The following ACAT2 variants were observed in gnomAD, a reference collection of about 807,000 sequenced individuals.
ACAT2 encodes acetyl-CoA acetyltransferase 2.
A neutral mutation model predicts 37.1 loss-of-function variants in ACAT2; 26 were observed. That is an observed-to-expected ratio of 0.70 (90% CI 0.51 to 0.97). ACAT2 has a LOEUF of 0.97. Ranked by LOEUF, ACAT2 falls within the 50% of genes least tolerant of loss-of-function variation. The pLI, the probability that ACAT2 is intolerant of heterozygous loss-of-function variation, is 0.00. For synonymous variants in ACAT2, 156 were observed against 163.6 expected (o/e 0.95, Z 0.35); for missense variants, 468 against 489.0 (o/e 0.96, Z 0.40).
Position 159,768,924 on chromosome 6 carries a change from T to C in ACAT2, c.490+296T>C, listed in dbSNP as rs73022795. Among the ~76,000 whole-genome samples, 330 of 152,312 alleles carry C rather than the reference T, an allele frequency of 2.2e-3. 1 individual carries two copies. The highest frequency in any genetic ancestry group is 3.6e-3 in the Non-Finnish European group (243 of 68,026). The stretch of plus-strand genomic sequence containing the variant: ...TCTGTGGCAGAGGTAGTGACAGAGA[T>C]AAACCAGTTGTTTTTTTGGTACCTA... On this transcript the variant is annotated intron_variant, in intron 4 of 8. Transcript: ENST00000367048.
intron 3 of ACAT2, 35 bp from the exon 4 acceptor site, chr6:159,768,476 C>T: frequency 6.8e-7 from 1 of 1,468,224 alleles, no homozygotes; most frequent in Non-Finnish European, 9.5e-7. Flanking sequence ...CTAATTGCAA[C>T]TAAGCCTAAA....
chr6:159,776,875 G>T (rs1457670278), intron 6 of ACAT2, among the ~76,000 whole-genome samples: 1 of 151,888 alleles, frequency 6.6e-6, no homozygotes, highest in Non-Finnish European at 1.5e-5. Flanking sequence ...TGCAATCTCC[G>T]CCTCCCAGGT....
At chr6:159,770,545 C>T (rs1224028078) in intron 4 of ACAT2, among the ~76,000 whole-genome samples, 1 of 152,072 alleles carries the variant, frequency 6.6e-6, no homozygotes, top group African/African-American at 2.4e-5. Flanking sequence ...GGCATGGTGG[C>T]TCGCACCTGT....
At chr6:159,775,462 G>A (rs1410801774) in intron 5 of ACAT2, 149 bp downstream of exon 5, 19 of 891,082 alleles carry the variant, frequency 2.1e-5, no homozygotes, top group Non-Finnish European at 3.0e-5. Context: ...ATGTGGGGAG[G>A]GGGTATGCTG....
At chr6:159,777,481 A>G (rs776416290) in intron 7 of ACAT2, 25 bp downstream of exon 7, 142 of 1,597,222 alleles carry the variant, frequency 8.9e-5, no homozygotes, top group Non-Finnish European at 1.2e-4. Context: ...ATTCCCTTTT[A>G]TGAAATTTGT....
chr6:159,775,109 T>G, intron 4 of ACAT2, 61 bp from the exon 5 acceptor site: 7 of 1,582,436 alleles, frequency 4.4e-6, no homozygotes, highest in Non-Finnish European at 6.0e-6. Flanking sequence ...GTGGACGACT[T>G]GAGCTATCAA....
Position 159,762,132 on chromosome 6 carries a change from G to C in ACAT2, c.45G>C (p.Arg15=). The C allele has an allele frequency of 6.2e-7, 1 of 1,612,380 alleles. No individual in the cohort carries two copies. Among genetic ancestry groups the C allele is most frequent in the Non-Finnish European group, 8.5e-7 (1 of 1,179,314 alleles). The change falls in exon 1 of 9, where the codon CGG becomes CGC. Residue 15 remains arginine, a synonymous_variant. Coordinates refer to ENST00000367048, the MANE Select transcript of ACAT2 (RefSeq NM_005891.3). ...CTGTGGTCATCGTCTCGGCGGCGCGGACCATCATAGGTGAGTGGCCGGCGG... is the reference window on the plus strand; with the variant it reads ...CTGTGGTCATCGTCTCGGCGGCGCGCACCATCATAGGTGAGTGGCCGGCGG... The part of the protein sequence containing the change: ...SDPVVIVSAA[R]TIIGSFNGAL...
intron 4 of ACAT2, among the ~76,000 whole-genome samples, chr6:159,771,177 T>C (rs1391550838): frequency 6.6e-6 from 1 of 151,358 alleles, no homozygotes; most frequent in Non-Finnish European, 1.5e-5. Context: ...AGGTCGGGAG[T>C]TTGAGACCCA....
rs769205319 is a variant in ACAT2 at position 159,777,401 on chromosome 6, T to C, written c.857T>C (p.Val286Ala). 8 of 1,614,046 alleles carry C rather than the reference T, an allele frequency of 5.0e-6. No individual in the cohort carries two copies. Among genetic ancestry groups the C allele is most frequent in the South Asian group, 1.1e-5 (1 of 91,088 alleles). Residue 286 changes from valine to alanine, a missense_variant, in exon 7 of 9, where the codon GTG becomes GCG. Val to Ala is a moderately conservative substitution (Grantham distance 64). Transcript: ENST00000367048. ...GCACGGATAGTTTCCTGGTCCCAAG[T>C]GGGTGTGGAGCCTTCCATTATGGGA... is the stretch of plus-strand genomic sequence containing the variant. The part of the protein sequence containing the change: ...PLARIVSWSQ[V>A]GVEPSIMGIG...
intron 6 of ACAT2, among the ~76,000 whole-genome samples, chr6:159,776,722 C>T (rs927227502): frequency 8.5e-5 from 13 of 152,178 alleles, no homozygotes; most frequent in East Asian, 1.9e-4. Context: ...CTCCCAATAC[C>T]TCCTTGTGAA....
chr6:159,765,161 G>T (rs1469217514), intron 2 of ACAT2, among the ~76,000 whole-genome samples: 3 of 152,094 alleles, frequency 2.0e-5, no homozygotes, highest in African/African-American at 7.2e-5. Context: ...TGTTGCCCAG[G>T]CTGGAGTGCA....
At chr6:159,764,907 G>A (rs535421938) in intron 2 of ACAT2, among the ~76,000 whole-genome samples, 6 of 152,316 alleles carry the variant, frequency 3.9e-5, no homozygotes, top group Non-Finnish European at 7.4e-5. Flanking sequence ...TTGAAGTGGA[G>A]CTAGCACTTG....
chr6:159,778,794 G>A lies in ACAT2; in HGVS notation c.1159G>A (p.Gly387Arg). 1 of 1,614,162 alleles carries A rather than the reference G, an allele frequency of 6.2e-7. No individual in the cohort carries two copies. Among genetic ancestry groups the A allele is most frequent in the East Asian group, 2.2e-5 (1 of 44,872 alleles). ...RGVAALCIGGGMGIAMCVQRE is the reference protein window; with the variant it reads ...RGVAALCIGGRMGIAMCVQRE ...TGTTGCAGCCCTGTGCATTGGGGGT[G>A]GGATGGGAATAGCAATGTGTGTTCA... The change falls in exon 9 of 9, where the codon GGG (glycine) becomes AGG (arginine). Residue 387 changes from glycine (G) to arginine (R), a missense_variant. Gly to Arg is a moderately radical substitution (Grantham distance 125, BLOSUM62 -2). Transcript: ENST00000367048.
intron 2 of ACAT2, among the ~76,000 whole-genome samples, chr6:159,764,061 A>C (rs780466479): frequency 6.6e-6 from 1 of 151,878 alleles, no homozygotes; most frequent in South Asian, 2.1e-4. Flanking sequence ...AGATTGTGCC[A>C]CTGCACTCCA....
intron 3 of ACAT2, 76 bp downstream of exon 3, chr6:159,767,262 C>G: frequency 6.8e-7 from 1 of 1,471,960 alleles, no homozygotes; most frequent in Non-Finnish European, 9.4e-7. Context: ...ACAGAGTAAA[C>G]AGATGCATAG....
intron 8 of ACAT2, 143 bp downstream of exon 8, chr6:159,778,423 TTAAAA>T (rs1243893074): frequency 1.2e-3 from 98 of 84,016 alleles, no homozygotes; most frequent in Middle Eastern, 6.6e-3. Context: ...TTCCCAAGGT[TTAAAA>T]AAAAAAAAAA....
In ACAT2 at chr6:159,775,770, G is replaced by A. The variant is rs73585626; in HGVS notation, c.635-380G>A. 591 of 205,284 alleles carry A rather than the reference G, an allele frequency of 2.9e-3. 6 individuals are homozygous for A. Among genetic ancestry groups the A allele is most frequent in the African/African-American group, 0.013 (567 of 42,798 alleles). 12.7% of individuals were successfully genotyped at this position (205,284 alleles called of 1,614,324 possible). ...AATGCTCCCGTCAAGCTCCCTTATTGATAACTGATATCTCTTATGTCCTGC... is the reference window on the plus strand; with the variant it reads ...AATGCTCCCGTCAAGCTCCCTTATTAATAACTGATATCTCTTATGTCCTGC... On this transcript the variant is annotated intron_variant, in intron 5 of 8. Transcript: ENST00000367048.
intron 2 of ACAT2, among the ~76,000 whole-genome samples, chr6:159,764,699 A>G (rs79981281): frequency 6.6e-6 from 1 of 152,294 alleles, no homozygotes; most frequent in East Asian, 1.9e-4. Flanking sequence ...ATGGTGCACC[A>G]TGCCCTTGAA....
Position 159,777,468 on chromosome 6 carries a change from C to T in ACAT2, c.912+12C>T, listed in dbSNP as rs760836355. The T allele has an allele frequency of 3.1e-6, 5 of 1,603,970 alleles. No individual in the cohort carries two copies. Among genetic ancestry groups the T allele is most frequent in the Non-Finnish European group, 3.4e-6 (4 of 1,176,568 alleles). Reference sequence around the variant, plus strand: ...CCATAAAGCAAGCTGTGAGTATAACCCTATTCCCTTTTATGAAATTTGTCT... The same window carrying T: ...CCATAAAGCAAGCTGTGAGTATAACTCTATTCCCTTTTATGAAATTTGTCT... On this transcript the variant is annotated intron_variant, in intron 7 of 8. Transcript: ENST00000367048.
Sources: gnomAD v4.1 joint callset for allele counts (sites outside exome capture counted in the v4.1 genomes callset) on GRCh38, gnomAD v4.1.1 for gene constraint, MANE v1.5 for transcripts, NCBI Gene and HGNC (gene_info 2026-07-23, HGNC 2026-07-21) for gene names.